The following RABEP1 variants were observed in gnomAD, a reference collection of about 807,000 sequenced individuals.
RABEP1 encodes rab GTPase-binding effector protein 1.
A neutral mutation model predicts 123.4 loss-of-function variants in RABEP1; 51 were observed. The ratio of observed to expected loss-of-function variants is 0.41; its 90% CI spans 0.33 to 0.52. RABEP1 has a LOEUF of 0.52. Ranked by LOEUF, RABEP1 falls within the 20% of genes least tolerant of loss-of-function variation. The pLI is 0.16. For synonymous variants in RABEP1, 347 were observed against 355.2 expected (o/e 0.98, Z 0.26); for missense variants, 888 against 996.3 (o/e 0.89, Z 1.46).
intron 2 of RABEP1, among the ~76,000 whole-genome samples, chr17:5,328,479 T>C (rs1266716233): frequency 2.0e-5 from 3 of 150,044 alleles, no homozygotes; most frequent in Non-Finnish European, 4.4e-5. Flanking sequence ...ACTCCCTCTC[T>C]ACAAAAAAAT....
At chr17:5,300,864 G>C (rs974150983) in intron 1 of RABEP1, among the ~76,000 whole-genome samples, 7 of 152,132 alleles carry the variant, frequency 4.6e-5, no homozygotes, top group Non-Finnish European at 8.8e-5. Context: ...GAGGGCAAGG[G>C]AGAGAGATTC....
At chr17:5,345,995 AT>A (rs1908032153) in intron 5 of RABEP1, among the ~76,000 whole-genome samples, 1 of 152,154 alleles carries the variant, frequency 6.6e-6, no homozygotes, top group Admixed American at 6.6e-5. Flanking sequence ...ATATTAGACT[AT>A]ATTGTTACTA....
At chr17:5,340,181 C>G (rs1326683055) in intron 5 of RABEP1, among the ~76,000 whole-genome samples, 3 of 152,162 alleles carry the variant, frequency 2.0e-5, no homozygotes, top group African/African-American at 7.2e-5. Context: ...ACACACAGAA[C>G]TCGGTATCCA....
rs2074932372 is a variant in RABEP1, at chr17:5,282,362, A to G, written c.-125A>G. The stretch of plus-strand genomic sequence containing the variant: ...TGGCGGCGCCGGCGGATCCAGCCTT[A>G]GCGGTTTCTCTCTGGGCGGCGGCGG... On this transcript the variant is annotated 5_prime_UTR_variant, in exon 1 of 18. Coordinates refer to ENST00000537505, the MANE Select transcript of RABEP1 (RefSeq NM_004703.6). 1 of 755,300 alleles carries G rather than the reference A, an allele frequency of 1.3e-6. No homozygotes were observed. Among genetic ancestry groups the G allele is most frequent in the Non-Finnish European group, 1.9e-6 (1 of 537,860 alleles). The allele number at this position is 755,300 out of a possible 1,614,324, so 46.8% of individuals were successfully genotyped here. A position where few individuals can be genotyped will look rare whatever the true frequency, so the allele number is the denominator to read the frequency against.
At chr17:5,349,762 A>C (rs1326327209) in intron 6 of RABEP1, among the ~76,000 whole-genome samples, 3 of 151,742 alleles carry the variant, frequency 2.0e-5, no homozygotes, top group Non-Finnish European at 4.4e-5. Context: ...AGGCTATATT[A>C]TATATTACCT....
At chr17:5,330,288 C>T (rs1270991763) in intron 2 of RABEP1, among the ~76,000 whole-genome samples, 1 of 152,074 alleles carries the variant, frequency 6.6e-6, no homozygotes, top group Non-Finnish European at 1.5e-5. Flanking sequence ...AATTAATGTT[C>T]TTAAAACTGT....
Position 5,299,737 on chromosome 17 carries a change from TTTTTTTTTTTG to T in RABEP1, c.35-8956_35-8946del, listed in dbSNP as rs1567868018. Among the ~76,000 whole-genome samples the T allele has an allele frequency of 4.8e-5, 6 of 125,596 alleles. 1 individual carries two copies. Among genetic ancestry groups the T allele is most frequent in the Admixed American group, 2.4e-4 (3 of 12,710 alleles). 82.4% of individuals were successfully genotyped at this position (125,596 alleles called of 152,430 possible). On this transcript the variant is annotated intron_variant, in intron 1 of 17. Transcript: ENST00000537505. ...TTCTTTTCTTTTTCTTTTTCTTTTT[TTTTTTTTTTTG>T]GAGGCAGAGTCTCTCCTTGTCGCCA...
rs1909553923 is a variant in RABEP1, at chr17:5,361,654, A to G, written c.1542A>G (p.Glu514=). 1.2e-6 allele frequency: 2 copies of G among 1,606,716 alleles called. No individual in the cohort carries two copies. Among genetic ancestry groups the G allele is most frequent in the South Asian group, 2.2e-5 (2 of 89,848 alleles). ...PSGYRLVSET[E]WNLLQKEVHN... is the part of the protein sequence containing the mutation. ...GTTATCGTTTAGTTAGTGAAACAGA[A>G]TGGAATCTCTTGCAGAAAGAGGTGA... Residue 514 remains glutamate (E), a synonymous_variant, in exon 9 of 18, where the codon GAA becomes GAG. Coordinates refer to ENST00000537505, the MANE Select transcript of RABEP1 (RefSeq NM_004703.6).
intron 17 of RABEP1, 28 bp from the exon 18 acceptor site, chr17:5,383,094 T>C: frequency 6.2e-7 from 1 of 1,600,988 alleles, no homozygotes; most frequent in Non-Finnish European, 8.6e-7. Flanking sequence ...AGGAGCCACC[T>C]GTAGTTATCT....
chr17:5,289,388 C>T (rs2075010932), intron 1 of RABEP1, among the ~76,000 whole-genome samples: 1 of 148,142 alleles, frequency 6.8e-6, no homozygotes, highest in Non-Finnish European at 1.5e-5. Flanking sequence ...TTTTGTTATG[C>T]AGAAAGCTTT....
Position 5,380,374 on chromosome 17 carries a change from C to T in RABEP1, c.2282C>T (p.Thr761Ile), listed in dbSNP as rs1567556431. ...TTTCCTTTTTCACAGTTGGAGTCCA[C>T]ATTAAGAGAGAAGTCTCAACAGCTT... ...IKVEKGQLES[T>I]LREKSQQLES... The change falls in exon 16 of 18, where the codon ACA becomes ATA. Residue 761 changes from threonine (T) to isoleucine (I), a missense_variant. Physicochemically the swap from Thr to Ile is moderately conservative, Grantham distance 89. Transcript: ENST00000537505. 1 of 1,565,308 alleles carries T rather than the reference C, an allele frequency of 6.4e-7. No individual in the cohort carries two copies. Among genetic ancestry groups the T allele is most frequent in the East Asian group, 2.3e-5 (1 of 42,970 alleles).
At chr17:5,310,702 G>A (rs547956674) in intron 2 of RABEP1, among the ~76,000 whole-genome samples, 8 of 152,100 alleles carry the variant, frequency 5.3e-5, no homozygotes, top group African/African-American at 1.9e-4. Context: ...CTTTATAGCC[G>A]AAATTTTACA....
intron 2 of RABEP1, 120 bp from the exon 3 acceptor site, chr17:5,331,829 C>A: frequency 1.2e-6 from 1 of 826,646 alleles, no homozygotes. Flanking sequence ...AATCTCACCT[C>A]TATTAAAAGG....
intron 1 of RABEP1, among the ~76,000 whole-genome samples, chr17:5,286,409 G>C (rs1365628435): frequency 6.6e-6 from 1 of 152,114 alleles, no homozygotes. Context: ...CAGAAGAACC[G>C]CTTGAACCCG....
At chr17:5,286,485 C>A (rs929724995) in intron 1 of RABEP1, among the ~76,000 whole-genome samples, 3 of 150,628 alleles carry the variant, frequency 2.0e-5, no homozygotes, top group Non-Finnish European at 4.4e-5. Flanking sequence ...CAGAGTGAGA[C>A]TCTGTCTCAA....
chr17:5,382,287 G>C (rs1187844638), intron 17 of RABEP1, among the ~76,000 whole-genome samples: 3 of 150,912 alleles, frequency 2.0e-5, no homozygotes, highest in African/African-American at 7.3e-5. Flanking sequence ...TCACCATGTT[G>C]GTCAGGCTGG....
chr17:5,308,329 G>A (rs931317755), intron 1 of RABEP1, among the ~76,000 whole-genome samples: 3 of 151,412 alleles, frequency 2.0e-5, no homozygotes, highest in East Asian at 3.9e-4. Context: ...GGGTTCAAGC[G>A]ATTCTCCTGC....
intron 5 of RABEP1, among the ~76,000 whole-genome samples, chr17:5,343,836 T>G (rs145824320): frequency 0.033 from 4,950 of 151,776 alleles, 82 homozygotes; most frequent in Middle Eastern, 0.075. Flanking sequence ...CCACTGCACC[T>G]GGCTAATTTT....
At chr17:5,354,152 C>T (rs1908810801) in intron 7 of RABEP1, among the ~76,000 whole-genome samples, 1 of 151,982 alleles carries the variant, frequency 6.6e-6, no homozygotes, top group African/African-American at 2.4e-5. Context: ...CTTCTTTATA[C>T]CAGTGTTCTT....
Sources: gnomAD v4.1 joint callset for allele counts (sites outside exome capture counted in the v4.1 genomes callset) on GRCh38, gnomAD v4.1.1 for gene constraint, MANE v1.5 for transcripts, NCBI Gene and HGNC (gene_info 2026-07-23, HGNC 2026-07-21) for gene names.